Variants in ZNF665 observed in about 807,000 individuals in gnomAD.
The protein encoded by ZNF665 is zinc finger protein 665.
Under a neutral mutation model 7.9 loss-of-function variants are expected in ZNF665, and 6 were observed. That is an observed-to-expected ratio of 0.76 (90% CI 0.42 to 1.50). The LOEUF is 1.50. Among genes scored for constraint, ZNF665 ranks in the 40% most tolerant of loss-of-function variants. ZNF665 has a pLI of 0.01. For missense variants in ZNF665, 819 were observed against 806.7 expected, an observed-to-expected ratio of 1.02 and a Z score of -0.18; for synonymous variants, 242 against 274.5, an observed-to-expected ratio of 0.88 and a Z score of 1.17.
chr19:53,183,460 T>A (rs1297529995), intron 1 of ZNF665, among the ~76,000 whole-genome samples: 1 of 152,068 alleles, frequency 6.6e-6, no homozygotes, highest in Admixed American at 6.6e-5. Context: ...AAGAGATGTA[T>A]TTGCAAAATG....
intron 3 of ZNF665, among the ~76,000 whole-genome samples, chr19:53,173,100 G>C (rs2090670615): frequency 6.6e-6 from 1 of 152,050 alleles, no homozygotes; most frequent in African/African-American, 2.4e-5. Flanking sequence ...CTGGGCTCAA[G>C]GCCAAAAAAT....
intron 3 of ZNF665, among the ~76,000 whole-genome samples, chr19:53,173,415 G>A (rs1376743263): frequency 4.4e-5 from 5 of 113,072 alleles, no homozygotes; most frequent in South Asian, 3.0e-4. Flanking sequence ...TCGTTCTGTC[G>A]CCAGGCTGGA....
At chr19:53,169,411 C>T (rs911178601) in intron 3 of ZNF665, among the ~76,000 whole-genome samples, 2 of 151,940 alleles carry the variant, frequency 1.3e-5, no homozygotes, top group African/African-American at 4.8e-5. Flanking sequence ...CAAGTGTTAA[C>T]AAGGATGTGA....
At position 53,164,737 on chromosome 19, in the gene ZNF665, G is replaced by C. The variant is rs771944548; in HGVS notation, c.1753C>G (p.Leu585Val). ...CGKAFSVHSN[L>V]ATHQVIHTGE... ...GTATGGATGACCTGATGGGTAGCTA[G>C]GTTTGAATGTACACTAAATGCTTTG... The change falls in exon 4 of 4, where the codon CTA (leucine) becomes GTA (valine). Residue 585 changes from leucine to valine, a missense_variant. Coordinates refer to ENST00000396424, the MANE Select transcript of ZNF665 (RefSeq NM_024733.5). 1.3e-5 allele frequency: 21 copies of C among 1,614,086 alleles called. No individual in the cohort carries two copies. Among genetic ancestry groups the C allele is most frequent in the African/African-American group, 6.7e-5 (5 of 74,926 alleles).
Position 53,173,370 on chromosome 19 carries a change from C to T in ZNF665, c.142+2075G>A, listed in dbSNP as rs142356863. Among the ~76,000 whole-genome samples the T allele has an allele frequency of 4.1e-3, 459 of 112,660 alleles. 4 individuals carry two copies. Among genetic ancestry groups the T allele is most frequent in the African/African-American group, 0.016 (443 of 27,196 alleles). 73.9% of individuals were successfully genotyped at this position (112,660 alleles called of 152,430 possible). ...CATATATCCATCATTTTTTTTTTCA[C>T]TCTTTTTTTTTTTTTTTTTTTTTGA... is the stretch of plus-strand genomic sequence containing the variant. On this transcript the variant is annotated intron_variant, in intron 3 of 3. Transcript: ENST00000396424.
chr19:53,171,941 AAC>A (rs1484164238), intron 3 of ZNF665, among the ~76,000 whole-genome samples: 1 of 151,778 alleles, frequency 6.6e-6, no homozygotes, highest in East Asian at 1.9e-4. Flanking sequence ...GTTTAGTAGA[AAC>A]AGGGTTTCAC....
intron 2 of ZNF665, among the ~76,000 whole-genome samples, chr19:53,178,094 C>T (rs1248657881): frequency 6.6e-6 from 1 of 152,130 alleles, no homozygotes; most frequent in Non-Finnish European, 1.5e-5. Flanking sequence ...AGGAAGGCTA[C>T]ATAGTCAAGA....
intron 1 of ZNF665, among the ~76,000 whole-genome samples, chr19:53,188,967 G>T (rs936512345): frequency 1.3e-4 from 19 of 151,910 alleles, no homozygotes; most frequent in Non-Finnish European, 2.8e-4. Context: ...CAAAGTGCTG[G>T]GATTGCAGGC....
intron 2 of ZNF665, chr19:53,181,351 G>A (rs1001859554): frequency 1.5e-4 from 23 of 152,116 alleles, no homozygotes; most frequent in Admixed American, 3.9e-4. Context: ...AGCCCAGGAG[G>A]TGGAGGTTGC....
In ZNF665 at chr19:53,165,191, A is replaced by C. The variant is rs1433237791; in HGVS notation, c.1299T>G (p.Asp433Glu). 6.2e-7 allele frequency: 1 copy of C among 1,614,182 alleles called. No individual in the cohort carries two copies. The highest frequency in any genetic ancestry group is 1.7e-5 in the Admixed American group (1 of 60,016). Residue 433 changes from aspartate to glutamate, a missense_variant, in exon 4 of 4, where the codon GAT becomes GAG. Coordinates refer to ENST00000396424, the MANE Select transcript of ZNF665 (RefSeq NM_024733.5). ...IHTGEKPYRC[D>E]ECGKAFSVRS... ...GCACACTAAAGGCTTTGCCACACTC[A>C]TCACACCTGTAAGGTTTCTCTCCAG...
In ZNF665 at chr19:53,165,865, T is replaced by G. The variant is rs1191031796; in HGVS notation, c.625A>C (p.Asn209His). ...ACAGTAAAGGCTTTGCCACACTTAT[T>G]ACACTGGTAAGGCTTCTCTCCAGTA... The part of the protein sequence containing the change: ...IHTGEKPYQC[N>H]KCGKAFTVRS... Residue 209 changes from asparagine to histidine, a missense_variant, in exon 4 of 4, where the codon AAT (asparagine) becomes CAT (histidine). Coordinates refer to ENST00000396424, the MANE Select transcript of ZNF665 (RefSeq NM_024733.5). 1 of 1,614,216 alleles carries G rather than the reference T, an allele frequency of 6.2e-7. No individual in the cohort carries two copies. The highest frequency in any genetic ancestry group is 8.5e-7 in the Non-Finnish European group (1 of 1,180,030).
chr19:53,189,105 A>C (rs1274087834), intron 1 of ZNF665, among the ~76,000 whole-genome samples: 1 of 149,582 alleles, frequency 6.7e-6, no homozygotes, highest in Non-Finnish European at 1.5e-5. Context: ...AAGACCACTA[A>C]TCTGGATATG....
chr19:53,170,410 T>C (rs2090648652), intron 3 of ZNF665, among the ~76,000 whole-genome samples: 1 of 152,224 alleles, frequency 6.6e-6, no homozygotes. Flanking sequence ...TACTCTTGTT[T>C]AATTGAACCT....
chr19:53,164,752 T>C lies in ZNF665; in HGVS notation c.1738A>G (p.Ser580Gly). Residue 580 changes from serine (S) to glycine (G), a missense_variant, in exon 4 of 4, where the codon AGT becomes GGT. Transcript: ENST00000396424. ...YKCNECGKAF[S>G]VHSNLATHQV... The stretch of plus-strand genomic sequence containing the variant: ...TGGGTAGCTAGGTTTGAATGTACAC[T>C]AAATGCTTTGCCGCACTCATTACAC... 1.2e-6 allele frequency: 2 copies of C among 1,614,258 alleles called. No individual in the cohort carries two copies. The highest frequency in any genetic ancestry group is 1.7e-6 in the Non-Finnish European group (2 of 1,180,048).
chr19:53,171,260 A>G (rs1379467913), intron 3 of ZNF665, among the ~76,000 whole-genome samples: 1 of 152,036 alleles, frequency 6.6e-6, no homozygotes, highest in African/African-American at 2.4e-5. Flanking sequence ...TGCTGGGATT[A>G]CAGGCTTGAG....
At chr19:53,177,681 C>T (rs1364674067) in intron 2 of ZNF665, among the ~76,000 whole-genome samples, 1 of 152,064 alleles carries the variant, frequency 6.6e-6, no homozygotes, top group Non-Finnish European at 1.5e-5. Flanking sequence ...GTGTCTTCAA[C>T]GATGATAATA....
rs35735454 is a variant in ZNF665, at chr19:53,164,133, CTTTTTTTT to C, written c.*312_*319del. 4.4e-3 allele frequency: 464 copies of C among 104,678 alleles called. 4 individuals are homozygous for C. Among genetic ancestry groups the C allele is most frequent in the African/African-American group, 0.014 (424 of 30,406 alleles). 6.5% of individuals were successfully genotyped at this position (104,678 alleles called of 1,614,324 possible). ...CTGGCCGCACTCCTTTGTAAGGTTA[CTTTTTTTT>C]TTTTTTTTTTTTTGGAGATGGAGTT... On this transcript the variant is annotated 3_prime_UTR_variant, in exon 4 of 4. Coordinates refer to ENST00000396424, the MANE Select transcript of ZNF665 (RefSeq NM_024733.5).
Position 53,190,574 on chromosome 19 carries a change from A to AC in ZNF665, c.-46+2737dup, listed in dbSNP as rs1202027347. 4.6e-5 allele frequency among the ~76,000 whole-genome samples: 7 copies of AC among 152,248 alleles called. No homozygotes were observed. In the East Asian group the frequency reaches 9.6e-4, roughly 21 times the overall value. Reference sequence around the variant, plus strand: ...CCAGATAAATACCGTGATTCTCTTAACCCCTTCCTTGGATTCAATTAACTT... The same window carrying AC: ...CCAGATAAATACCGTGATTCTCTTAACCCCCTTCCTTGGATTCAATTAACTT... On this transcript the variant is annotated intron_variant, in intron 1 of 3. Transcript: ENST00000396424.
Position 53,171,571 on chromosome 19 carries a change from C to A in ZNF665, c.142+3874G>T, listed in dbSNP as rs60119350. Among the ~76,000 whole-genome samples the A allele has an allele frequency of 8.9e-3, 1,214 of 136,442 alleles. 22 individuals are homozygous for A. The highest frequency in any genetic ancestry group is 0.031 in the African/African-American group (1,134 of 36,092). The allele number at this position is 136,442 out of a possible 152,430, so 89.5% of individuals were successfully genotyped here. A position where few individuals can be genotyped will look rare whatever the true frequency, so the allele number is the denominator to read the frequency against. On this transcript the variant is annotated intron_variant, in intron 3 of 3. Coordinates refer to ENST00000396424, the MANE Select transcript of ZNF665 (RefSeq NM_024733.5). ...TTTAGACGGAGTCTCACTGTGTCACCCAGGCTGGAGTGCAGTGGCGTGATT... is the reference window on the plus strand; with the variant it reads ...TTTAGACGGAGTCTCACTGTGTCACACAGGCTGGAGTGCAGTGGCGTGATT...
Sources: gnomAD v4.1 joint callset for allele counts (sites outside exome capture counted in the v4.1 genomes callset) on GRCh38, gnomAD v4.1.1 for gene constraint, MANE v1.5 for transcripts, NCBI Gene and HGNC (gene_info 2026-07-23, HGNC 2026-07-21) for gene names.